SAMD3: variants seen among roughly 807,000 people sequenced by gnomAD.
SAMD3 encodes sterile alpha motif domain-containing protein 3.
In SAMD3, 63 loss-of-function variants were observed where a neutral mutation model predicts 58.5. That is an observed-to-expected ratio of 1.08 (90% CI 0.88 to 1.33). SAMD3 has a LOEUF of 1.33. SAMD3 is among the 40% of genes most tolerant of loss of function. The pLI is 0.00. For missense variants in SAMD3, 604 were observed against 608.4 expected (o/e 0.99, Z 0.08); for synonymous variants, 220 against 210.3 (o/e 1.05, Z -0.40).
upstream of SAMD3, among the ~76,000 whole-genome samples, chr6:130,225,917 C>G (rs535070107): frequency 3.4e-4 from 51 of 151,844 alleles, no homozygotes; most frequent in Non-Finnish European, 7.1e-4. Context: ...GAGGGGTCAG[C>G]CTGATGTTGG....
chr6:130,291,027 C>A (rs1335062472), intron 2 of SAMD3, among the ~76,000 whole-genome samples: 12 of 152,166 alleles, frequency 7.9e-5, no homozygotes, highest in Admixed American at 7.9e-4. Flanking sequence ...CTCTGTCAGA[C>A]CTTTCATTCT....
intron 2 of SAMD3, among the ~76,000 whole-genome samples, chr6:130,303,023 C>A (rs57335959): frequency 0.17 from 25,654 of 152,144 alleles, 2,426 homozygotes; most frequent in East Asian, 0.36. Flanking sequence ...ATGCAATACA[C>A]CCATGTAACA....
At chr6:130,220,923 G>A (rs1457025254) in intron 1 of SAMD3, among the ~76,000 whole-genome samples, 5 of 151,634 alleles carry the variant, frequency 3.3e-5, no homozygotes, top group Non-Finnish European at 5.9e-5. Context: ...GCACGATCTC[G>A]GCTCACTGCA....
intron 9 of SAMD3, among the ~76,000 whole-genome samples, chr6:130,150,932 G>A (rs570383856): frequency 2.2e-4 from 34 of 152,056 alleles, no homozygotes; most frequent in Admixed American, 6.5e-4. Context: ...GGCTGGTCTC[G>A]AACTCCCGAC....
At chr6:130,186,767 A>ATTT (rs35592601) in intron 5 of SAMD3, among the ~76,000 whole-genome samples, 6,027 of 106,910 alleles carry the variant, frequency 0.056, 503 homozygotes, top group South Asian at 0.096. Flanking sequence ...CCTTCCTGGG[A>ATTT]TTTTTTTTTT....
At chr6:130,219,104 T>G (rs545706206) in intron 1 of SAMD3, among the ~76,000 whole-genome samples, 4 of 152,334 alleles carry the variant, frequency 2.6e-5, no homozygotes, top group Admixed American at 2.0e-4. Context: ...AACATCCATA[T>G]GTGCACCAGT....
intron 2 of SAMD3, among the ~76,000 whole-genome samples, chr6:130,299,916 T>C (rs991980925): frequency 2.0e-5 from 3 of 152,070 alleles, no homozygotes; most frequent in South Asian, 2.1e-4. Context: ...CAGGAAGAAA[T>C]TGAAATGCTG....
intron 2 of SAMD3, among the ~76,000 whole-genome samples, chr6:130,236,823 T>A (rs1160414279): frequency 6.6e-6 from 1 of 152,354 alleles, no homozygotes; most frequent in South Asian, 2.1e-4. Flanking sequence ...AAGTTTTAAC[T>A]TTTTTTGTTA....
At chr6:130,150,595 C>A (rs1327813273) in intron 9 of SAMD3, among the ~76,000 whole-genome samples, 1 of 152,112 alleles carries the variant, frequency 6.6e-6, no homozygotes, top group East Asian at 1.9e-4. Flanking sequence ...TGTCCTTAGT[C>A]CTAGCTAAGG....
At chr6:130,263,638 G>A (rs1041516955) in intron 2 of SAMD3, among the ~76,000 whole-genome samples, 1 of 152,096 alleles carries the variant, frequency 6.6e-6, no homozygotes, top group Non-Finnish European at 1.5e-5. Flanking sequence ...TCGTTCTATT[G>A]CTGACCATCT....
At chr6:130,152,193 C>T (rs534912677) in intron 9 of SAMD3, among the ~76,000 whole-genome samples, 5 of 152,024 alleles carry the variant, frequency 3.3e-5, no homozygotes, top group East Asian at 3.9e-4. Context: ...GAGCAACAGG[C>T]GGTGGGGGTG....
intron 1 of SAMD3, among the ~76,000 whole-genome samples, chr6:130,353,789 T>C (rs181995365): frequency 2.0e-5 from 3 of 152,316 alleles, no homozygotes; most frequent in Non-Finnish European, 4.4e-5. Context: ...GATACACATC[T>C]GTGTCTGCAG....
At chr6:130,235,029 C>T (rs1466216743) in intron 2 of SAMD3, among the ~76,000 whole-genome samples, 1 of 152,082 alleles carries the variant, frequency 6.6e-6, no homozygotes, top group Non-Finnish European at 1.5e-5. Flanking sequence ...GTGGGAGGAT[C>T]GCTTCAGCTT....
intron 2 of SAMD3, among the ~76,000 whole-genome samples, chr6:130,263,658 C>T (rs764629091): frequency 6.6e-6 from 1 of 152,186 alleles, no homozygotes; most frequent in Non-Finnish European, 1.5e-5. Flanking sequence ...TAGTTATTAA[C>T]ATAACCAAGT....
intron 2 of SAMD3, among the ~76,000 whole-genome samples, chr6:130,255,695 C>T (rs1013194588): frequency 2.0e-5 from 3 of 151,990 alleles, no homozygotes; most frequent in Non-Finnish European, 2.9e-5. Context: ...AATCTGACTA[C>T]ATGGCACAGG....
intron 1 of SAMD3, among the ~76,000 whole-genome samples, chr6:130,313,798 G>A (rs1408934094): frequency 6.6e-6 from 1 of 152,108 alleles, no homozygotes; most frequent in African/African-American, 2.4e-5. Flanking sequence ...CTACTATCCC[G>A]AGATTTAAGT....
At chr6:130,217,643 A>G (rs1214365133) in intron 1 of SAMD3, among the ~76,000 whole-genome samples, 1 of 152,246 alleles carries the variant, frequency 6.6e-6, no homozygotes, top group African/African-American at 2.4e-5. Flanking sequence ...ACCTGCTGTG[A>G]ACGTGATTTA....
chr6:130,146,602 A>G (rs1788649322), intron 9 of SAMD3, among the ~76,000 whole-genome samples: 2 of 152,232 alleles, frequency 1.3e-5, no homozygotes, highest in Non-Finnish European at 2.9e-5. Context: ...AAGCCCTGAC[A>G]AATACTTAAC....
intron 5 of SAMD3, among the ~76,000 whole-genome samples, chr6:130,197,371 C>A (rs1489264841): frequency 6.6e-6 from 1 of 152,226 alleles, no homozygotes; most frequent in African/African-American, 2.4e-5. Context: ...GCCATCACAG[C>A]TGATATTTCC....
Sources: gnomAD v4.1 joint callset for allele counts (sites outside exome capture counted in the v4.1 genomes callset) on GRCh38, gnomAD v4.1.1 for gene constraint, MANE v1.5 for transcripts, NCBI Gene and HGNC (gene_info 2026-07-23, HGNC 2026-07-21) for gene names.